The following LRPPRC variants were observed in gnomAD, a reference collection of about 807,000 sequenced individuals.
LRPPRC encodes leucine-rich PPR motif-containing protein, mitochondrial.
LRPPRC carries 120 observed loss-of-function variants against 180.3 expected under a neutral mutation model. The ratio of observed to expected loss-of-function variants is 0.67; its 90% CI spans 0.57 to 0.77. LRPPRC has a LOEUF of 0.77. LRPPRC is among the 30% of genes least tolerant of loss of function. The pLI, the probability that LRPPRC is intolerant of heterozygous loss-of-function variation, is 0.00. For missense variants in LRPPRC, 2,012 were observed against 1,657.2 expected (o/e 1.21, Z -3.72); for synonymous variants, 723 against 600.0 (o/e 1.21, Z -3.00).
intron 1 of LRPPRC, among the ~76,000 whole-genome samples, chr2:43,985,363 A>T (rs1185756119): frequency 6.6e-6 from 1 of 152,210 alleles, no homozygotes; most frequent in East Asian, 1.9e-4. Flanking sequence ...ACCAAAGTCC[A>T]TAATTTACAT....
chr2:43,919,871 G>A (rs1004516392), intron 27 of LRPPRC, among the ~76,000 whole-genome samples: 2 of 151,882 alleles, frequency 1.3e-5, no homozygotes, highest in Non-Finnish European at 2.9e-5. Context: ...GGAGGGGTTT[G>A]TTTTACAGCA....
At chr2:43,963,514 G>A (rs1673435170) in intron 12 of LRPPRC, 74 bp downstream of exon 12, 1 of 942,652 alleles carries the variant, frequency 1.1e-6, no homozygotes, top group Non-Finnish European at 1.8e-6. Context: ...TGACTTTTTT[G>A]TGTGTCAACA....
chr2:43,976,772 T>C (rs1674075056), intron 5 of LRPPRC, among the ~76,000 whole-genome samples: 1 of 151,280 alleles, frequency 6.6e-6, no homozygotes, highest in South Asian at 2.1e-4. Context: ...CTCTCTCCAG[T>C]AAATCAAATT....
intron 11 of LRPPRC, among the ~76,000 whole-genome samples, chr2:43,972,834 T>C (rs1329333445): frequency 6.6e-6 from 1 of 152,196 alleles, no homozygotes; most frequent in Non-Finnish European, 1.5e-5. Context: ...CTGCATCTCA[T>C]TCCAAAGCAC....
chr2:43,953,572 T>C (rs1032870525), intron 14 of LRPPRC, among the ~76,000 whole-genome samples: 1 of 152,266 alleles, frequency 6.6e-6, no homozygotes, highest in South Asian at 2.1e-4. Context: ...CTGTGGCTAG[T>C]TTTAAACCCA....
intron 21 of LRPPRC, among the ~76,000 whole-genome samples, chr2:43,945,774 T>C (rs565076265): frequency 5.3e-5 from 8 of 152,188 alleles, no homozygotes; most frequent in East Asian, 1.9e-4. Flanking sequence ...GAGAAATGGA[T>C]AGAATTTTAT....
At chr2:43,903,026 T>C (rs1024197551) in intron 31 of LRPPRC, 1 of 152,198 alleles carries the variant, frequency 6.6e-6, no homozygotes, top group Non-Finnish European at 1.5e-5. Flanking sequence ...ATCATATTTT[T>C]AGACAAGACT....
intron 1 of LRPPRC, among the ~76,000 whole-genome samples, chr2:43,987,114 C>G (rs751544366): frequency 1.3e-5 from 2 of 152,162 alleles, no homozygotes; most frequent in Non-Finnish European, 2.9e-5. Flanking sequence ...CCCACTTGAT[C>G]ACGGTAAATC....
At chr2:43,958,778 G>A (rs1439811223) in intron 13 of LRPPRC, among the ~76,000 whole-genome samples, 1 of 152,140 alleles carries the variant, frequency 6.6e-6, no homozygotes, top group Non-Finnish European at 1.5e-5. Context: ...GTAACCAGTA[G>A]TGCATTCCTA....
chr2:43,966,419 T>C (rs1366669916), intron 11 of LRPPRC, among the ~76,000 whole-genome samples: 2 of 151,942 alleles, frequency 1.3e-5, no homozygotes, highest in East Asian at 3.9e-4. Context: ...ACAATATTTT[T>C]TTTTTTTTGA....
intron 1 of LRPPRC, 75 bp downstream of exon 1, chr2:43,995,724 G>A (rs952411302): frequency 1.7e-5 from 22 of 1,294,582 alleles, no homozygotes; most frequent in East Asian, 1.2e-4. Flanking sequence ...GGCAGGACCC[G>A]GTCCCTGCCG....
intron 29 of LRPPRC, among the ~76,000 whole-genome samples, chr2:43,913,667 G>C (rs1189552651): frequency 3.3e-5 from 5 of 152,132 alleles, no homozygotes; most frequent in Non-Finnish European, 7.4e-5. Flanking sequence ...AACAGTTTGG[G>C]CAAGTGAAAG....
chr2:43,974,257 A>G lies in LRPPRC; in HGVS notation c.1048T>C (p.Leu350=), dbSNP rs767399270. The change falls in exon 9 of 38, where the codon TTG becomes CTG. Residue 350 remains leucine (L), a synonymous_variant. Transcript: ENST00000260665. ...NLILLLVTEK[L]EDVALQILLA... is the part of the protein sequence containing the mutation. ...AAAATTTGCAACGCTACATCTTCCA[A>G]TTTTTCAGTGACTAAAAGTAAAATG... 13 of 1,612,070 alleles carry G rather than the reference A, an allele frequency of 8.1e-6. No homozygotes were observed. The Admixed American group carries it at 8.3e-5, about 10-fold the overall frequency.
At position 43,974,164 on chromosome 2, in the gene LRPPRC, C is replaced by T. The variant is rs1247433500; in HGVS notation, c.1141G>A (p.Val381Met). ...GGACAGAATACCGTATTCATAGTCA[C>T]ACAGTGTTGTAAAAAGAAACTGCCA... ...VFGSFFLQHC[V>M]TMNTPVEKLT... is the part of the protein sequence containing the mutation. The change falls in exon 9 of 38, where the codon GTG becomes ATG. Residue 381 changes from valine to methionine, a missense_variant. Physicochemically the swap from Val to Met is conservative, Grantham distance 21. Coordinates refer to ENST00000260665, the MANE Select transcript of LRPPRC (RefSeq NM_133259.4). The T allele has an allele frequency of 1.2e-6, 2 of 1,613,824 alleles. No individual in the cohort carries two copies. Among genetic ancestry groups the T allele is most frequent in the Non-Finnish European group, 8.5e-7 (1 of 1,179,720 alleles).
At chr2:43,910,847 T>C (rs1255279928) in intron 30 of LRPPRC, among the ~76,000 whole-genome samples, 1 of 152,102 alleles carries the variant, frequency 6.6e-6, no homozygotes, top group African/African-American at 2.4e-5. Flanking sequence ...AATTAAAATC[T>C]GTACTTTCAG....
In LRPPRC at chr2:43,974,720, C is replaced by A; in HGVS notation, c.903G>T (p.Met301Ile). Reference sequence around the variant, plus strand: ...AAATAATTTGCAGTAAATCACGGTCCATAAGGTGAAGCTCGGACTTCTCCA... The same window carrying A: ...AAATAATTTGCAGTAAATCACGGTCAATAAGGTGAAGCTCGGACTTCTCCA... ...EKVEKSELHL[M>I]DRDLLQIIFS... The change falls in exon 8 of 38, where the codon ATG (methionine) becomes ATT (isoleucine). Residue 301 changes from methionine (M) to isoleucine (I), a missense_variant. Coordinates refer to ENST00000260665, the MANE Select transcript of LRPPRC (RefSeq NM_133259.4). 6.2e-7 allele frequency: 1 copy of A among 1,613,416 alleles called. No homozygotes were observed. The highest frequency in any genetic ancestry group is 2.2e-5 in the East Asian group (1 of 44,816).
chr2:43,994,342 A>G (rs990862970), intron 1 of LRPPRC, among the ~76,000 whole-genome samples: 2 of 152,208 alleles, frequency 1.3e-5, no homozygotes, highest in Non-Finnish European at 2.9e-5. Flanking sequence ...TTTTATGGCG[A>G]GATTAGGTGT....
At chr2:43,903,433 C>T (rs1355802837) in intron 31 of LRPPRC, 1 of 151,980 alleles carries the variant, frequency 6.6e-6, no homozygotes, top group Non-Finnish European at 1.5e-5. Context: ...GGCAGAACAA[C>T]GGAAGGGAAT....
At chr2:43,895,059 A>C (rs1670632248) in intron 35 of LRPPRC, among the ~76,000 whole-genome samples, 1 of 152,204 alleles carries the variant, frequency 6.6e-6, no homozygotes, top group Non-Finnish European at 1.5e-5. Flanking sequence ...GAGCATTTCC[A>C]GAATCTCACT....
Sources: allele counts gnomAD v4.1 joint callset (sites outside exome capture counted in the v4.1 genomes callset), GRCh38; gene constraint gnomAD v4.1.1; transcripts MANE v1.5; gene names NCBI Gene and HGNC (gene_info 2026-07-23, HGNC 2026-07-21).